The following NDUFS5 variants were observed in gnomAD, a reference collection of about 807,000 sequenced individuals.
NDUFS5 encodes the protein NADH:ubiquinone oxidoreductase subunit S5.
Under a neutral mutation model 10.5 loss-of-function variants are expected in NDUFS5, and 7 were observed. The ratio of observed to expected loss-of-function variants is 0.66; its 90% CI spans 0.38 to 1.25. The LOEUF (loss-of-function observed/expected upper bound fraction) is 1.25, where lower values mean the gene tolerates loss of function less well. NDUFS5 is among the 50% of genes most tolerant of loss of function. The pLI, the probability that NDUFS5 is intolerant of heterozygous loss-of-function variation, is 0.02. For synonymous variants in NDUFS5, 38 were observed against 44.0 expected (o/e 0.86, Z 0.54); for missense variants, 148 against 140.7 (o/e 1.05, Z -0.26).
In NDUFS5 at chr1:39,028,770, C is replaced by G. The variant is rs372817145; in HGVS notation, c.46C>G (p.Arg16Gly). 29 of 1,614,008 alleles carry G rather than the reference C, an allele frequency of 1.8e-5. No homozygotes were observed. The East Asian group carries it at 3.1e-4, about 17-fold the overall frequency. ...IQKRFGLNIDRWLTIQSGEQP... is the reference protein window; with the variant it reads ...IQKRFGLNIDGWLTIQSGEQP... ...GAAAAGGTTCGGCCTTAACATAGAT[C>G]GATGGTTGACAATCCAGAGTGGTGA... Residue 16 changes from arginine to glycine, a missense_variant, in exon 2 of 3, where the codon CGA (arginine) becomes GGA (glycine). By Grantham distance (125) the Arg-to-Gly change is moderately radical. Coordinates refer to ENST00000372969, the MANE Select transcript of NDUFS5 (RefSeq NM_004552.3).
At chr1:39,033,665 C>T (rs1644208216) in intron 2 of NDUFS5, among the ~76,000 whole-genome samples, 1 of 150,448 alleles carries the variant, frequency 6.6e-6, no homozygotes, top group Admixed American at 6.6e-5. Flanking sequence ...CCACGCCTGG[C>T]TAATTTTTGT....
intron 2 of NDUFS5, among the ~76,000 whole-genome samples, chr1:39,029,750 G>A (rs1262945638): frequency 1.3e-5 from 2 of 152,138 alleles, no homozygotes; most frequent in African/African-American, 2.4e-5. Flanking sequence ...CGTGAACAAC[G>A]ATGCAGTGGA....
intron 1 of NDUFS5, among the ~76,000 whole-genome samples, chr1:39,027,092 G>A (rs7531999): frequency 0.7 from 106,474 of 151,546 alleles, 39,475 homozygotes; most frequent in Non-Finnish European, 0.85. Flanking sequence ...TGTTGAGATG[G>A]AGTTTCGCTC....
At chr1:39,033,046 G>A (rs1644200300) in intron 2 of NDUFS5, among the ~76,000 whole-genome samples, 1 of 152,120 alleles carries the variant, frequency 6.6e-6, no homozygotes, top group Non-Finnish European at 1.5e-5. Context: ...CAGAATCCAG[G>A]GACCAGTTCA....
At chr1:39,030,969 A>T (rs1485312903) in intron 2 of NDUFS5, among the ~76,000 whole-genome samples, 1 of 151,826 alleles carries the variant, frequency 6.6e-6, no homozygotes, top group Non-Finnish European at 1.5e-5. Flanking sequence ...ACTTGGGTTC[A>T]GGTGATTCTT....
intron 1 of NDUFS5, among the ~76,000 whole-genome samples, chr1:39,027,532 T>C (rs576969489): frequency 6.6e-6 from 1 of 151,282 alleles, no homozygotes; most frequent in South Asian, 2.1e-4. Flanking sequence ...TTTTCCCTAC[T>C]GTCTGTAATA....
At chr1:39,033,881 A>G (rs1644210258) in intron 2 of NDUFS5, among the ~76,000 whole-genome samples, 1 of 146,854 alleles carries the variant, frequency 6.8e-6, no homozygotes, top group African/African-American at 2.5e-5. Context: ...GCTCACTGCA[A>G]CCTCCGCCTC....
At position 39,030,328 on chromosome 1, in the gene NDUFS5, C is replaced by G. The variant is rs369000867; in HGVS notation, c.216+1388C>G. ...GGTGAGGCAAGAGAATCGCCTGAAA[C>G]TGAGAGGCAGAGGTTCCAGTGAGCT... is the stretch of plus-strand genomic sequence containing the variant. On this transcript the variant is annotated intron_variant, in intron 2 of 2. Transcript: ENST00000372969. Among the ~76,000 whole-genome samples, 330 of 151,084 alleles carry G rather than the reference C, an allele frequency of 2.2e-3. 3 individuals are homozygous for G. The highest frequency in any genetic ancestry group is 7.9e-3 in the African/African-American group (324 of 41,136).
At chr1:39,027,944 A>T (rs74811318) in intron 1 of NDUFS5, among the ~76,000 whole-genome samples, 86,240 of 146,072 alleles carry the variant, frequency 0.59, 26,326 homozygotes, top group Non-Finnish European at 0.69. Flanking sequence ...CAGCCTCCCG[A>T]ATAGTTGGGA....
chr1:39,031,534 G>A (rs7514761), intron 2 of NDUFS5, among the ~76,000 whole-genome samples: 106,912 of 151,894 alleles, frequency 0.7, 39,711 homozygotes, highest in Non-Finnish European at 0.85. Context: ...TTGAACTCCT[G>A]GCCTCAAACG....
rs376782816 is a variant in NDUFS5 at position 39,029,238 on chromosome 1, C to T, written c.216+298C>T. 1.6e-4 allele frequency among the ~76,000 whole-genome samples: 24 copies of T among 152,094 alleles called. No homozygotes were observed. In the East Asian group the frequency reaches 2.1e-3, roughly 13 times the overall value. On this transcript the variant is annotated intron_variant, in intron 2 of 2. Coordinates refer to ENST00000372969, the MANE Select transcript of NDUFS5 (RefSeq NM_004552.3). ...GAACTCCAGACCTCAGGTGATCCGC[C>T]CCCCTCAGCCTCCCAAAGTAGTGGG...
rs760373747 is a variant in NDUFS5 at position 39,027,581 on chromosome 1, G to GTTTTTTTTTTTTTTTTTTTT, written c.-2-1127_-2-1126insTTTTTTTTTTTTTTTTTTTT. ...GTCTTAACCCATTTCTTTCGCTCTG[G>GTTTTTTTTTTTTTTTTTTTT]TTTTTTTTTTTTTTTGAGACAGGAT... On this transcript the variant is annotated intron_variant, in intron 1 of 2. Coordinates refer to ENST00000372969, the MANE Select transcript of NDUFS5 (RefSeq NM_004552.3). Among the ~76,000 whole-genome samples, 66 of 91,158 alleles carry GTTTTTTTTTTTTTTTTTTTT rather than the reference G, an allele frequency of 7.2e-4. 8 individuals are homozygous for GTTTTTTTTTTTTTTTTTTTT. In the Middle Eastern group the frequency reaches 0.021, roughly 29 times the overall value. 59.8% of individuals were successfully genotyped at this position (91,158 alleles called of 152,430 possible). A position where few individuals can be genotyped will look rare whatever the true frequency, so the allele number is the denominator to read the frequency against.
At chr1:39,032,817 A>G (rs1183696998) in intron 2 of NDUFS5, among the ~76,000 whole-genome samples, 1 of 152,166 alleles carries the variant, frequency 6.6e-6, no homozygotes, top group East Asian at 1.9e-4. Flanking sequence ...AAAGTGAGCT[A>G]TGTGGTTATG....
intron 1 of NDUFS5, among the ~76,000 whole-genome samples, chr1:39,027,422 G>A (rs1644157157): frequency 6.6e-6 from 1 of 151,930 alleles, no homozygotes; most frequent in South Asian, 2.1e-4. Flanking sequence ...GATATTTGTG[G>A]GTGTGCGCGC....
chr1:39,029,087 G>A (rs564531918), intron 2 of NDUFS5, 147 bp downstream of exon 2: 102 of 716,282 alleles, frequency 1.4e-4, no homozygotes, highest in Middle Eastern at 5.3e-4. Flanking sequence ...CTGCCTCCCA[G>A]GTTCAGGCGA....
intron 2 of NDUFS5, among the ~76,000 whole-genome samples, chr1:39,030,508 C>G (rs977263546): frequency 2.0e-5 from 3 of 151,638 alleles, no homozygotes; most frequent in Non-Finnish European, 4.4e-5. Context: ...AGTTCGAGAC[C>G]AGCCTGACCA....
intron 1 of NDUFS5, among the ~76,000 whole-genome samples, chr1:39,028,304 C>A (rs986591549): frequency 6.6e-6 from 1 of 151,832 alleles, no homozygotes; most frequent in Admixed American, 6.6e-5. Context: ...TGGTGGTGCG[C>A]ACCTGTAGTC....
At chr1:39,028,591 C>T in intron 1 of NDUFS5, 132 bp from the exon 2 acceptor site, 1 of 823,006 alleles carries the variant, frequency 1.2e-6, no homozygotes, top group Non-Finnish European at 2.0e-6. Context: ...GAGAAGAAAT[C>T]AGGAGAATAA....
At chr1:39,030,032 A>G (rs1007026664) in intron 2 of NDUFS5, among the ~76,000 whole-genome samples, 2 of 152,092 alleles carry the variant, frequency 1.3e-5, no homozygotes, top group Non-Finnish European at 1.5e-5. Flanking sequence ...CGGAGGTTGC[A>G]TGGAGCCGAG....
Sources: allele counts gnomAD v4.1 joint callset (sites outside exome capture counted in the v4.1 genomes callset), GRCh38; gene constraint gnomAD v4.1.1; transcripts MANE v1.5; gene names NCBI Gene and HGNC (gene_info 2026-07-23, HGNC 2026-07-21).